Variants in KCNH2 observed in about 807,000 individuals in gnomAD.
KCNH2 encodes the protein potassium voltage-gated channel subfamily H member 2, also known as voltage-gated inwardly rectifying potassium channel KCNH2.
Under a neutral mutation model 95.9 loss-of-function variants are expected in KCNH2, and 35 were observed. The observed-to-expected ratio is 0.37, with a 90% CI of 0.28 to 0.48. The LOEUF is 0.48. Among genes scored for constraint, KCNH2 ranks in the 20% least tolerant of loss-of-function variants. KCNH2 has a pLI of 0.99. For synonymous variants in KCNH2, 786 were observed against 754.7 expected (o/e 1.04, Z -0.68); for missense variants, 1,274 against 1,702.9 (o/e 0.75, Z 4.43).
At chr7:150,965,417 A>G (rs1801676522) in intron 2 of KCNH2, among the ~76,000 whole-genome samples, 1 of 152,040 alleles carries the variant, frequency 6.6e-6, no homozygotes. Flanking sequence ...CGGGTGGTGC[A>G]CGAACTGGAA....
intron 2 of KCNH2, among the ~76,000 whole-genome samples, chr7:150,973,110 C>A (rs1411310791): frequency 6.6e-6 from 1 of 152,240 alleles, no homozygotes; most frequent in Non-Finnish European, 1.5e-5. Flanking sequence ...AGTCAACCAA[C>A]TTGTCCAGTA....
At chr7:150,958,539 C>T (rs1454818299) in intron 3 of KCNH2, 37 bp from the exon 4 acceptor site, 6 of 1,458,732 alleles carry the variant, frequency 4.1e-6, no homozygotes, top group Non-Finnish European at 3.6e-6. Context: ...GTGGGGATCG[C>T]GAGCAGCCCC....
Position 150,945,474 on chromosome 7 carries a change from GC to G in KCNH2, c.3370del (p.Ala1124ProfsTer131). 2 of 1,558,288 alleles carry G rather than the reference GC, an allele frequency of 1.3e-6. No homozygotes were observed. Among genetic ancestry groups the G allele is most frequent in the Admixed American group, 1.9e-5 (1 of 52,004 alleles). ...GGGGCCTTCTTGGGGAAGCTCTGGG[GC>G]CCCCGGGGGCAGCTCCTCACACGCC... ...FMACEELPPG[A>X]PELPQEGPTR... On this transcript the variant is annotated frameshift_variant, in exon 15 of 15. Coordinates refer to ENST00000262186, the MANE Select transcript of KCNH2 (RefSeq NM_000238.4). LOFTEE classifies it high-confidence loss of function. This position sits in a 1 kb window ranked among gnomAD's most constrained non-coding sequence, Gnocchi z 5.6.
chr7:150,951,511 C>T lies in KCNH2; in HGVS notation c.1882G>A (p.Gly628Ser), dbSNP rs121912507. Residue 628 changes from glycine (G) to serine (S), a missense_variant, in exon 7 of 15, where the codon GGC becomes AGC. Physicochemically the swap from Gly to Ser is moderately conservative, Grantham distance 56. Coordinates refer to ENST00000262186, the MANE Select transcript of KCNH2 (RefSeq NM_000238.4). ...TFSSLTSVGF[G>S]NVSPNTNSEK... The stretch of plus-strand genomic sequence containing the variant: ...GAGTTGGTGTTGGGAGAGACGTTGC[C>T]GAAGCCCACACTGGTGAGGCTGCTG... 1 of 1,614,230 alleles carries T rather than the reference C, an allele frequency of 6.2e-7. No individual in the cohort carries two copies. Among genetic ancestry groups the T allele is most frequent in the Non-Finnish European group, 8.5e-7 (1 of 1,180,044 alleles).
chr7:150,964,398 A>G (rs560494922), intron 2 of KCNH2, among the ~76,000 whole-genome samples: 4 of 152,254 alleles, frequency 2.6e-5, no homozygotes, highest in Admixed American at 2.6e-4. Flanking sequence ...TGCATGGGCA[A>G]GAGGGAAGGA....
intron 2 of KCNH2, among the ~76,000 whole-genome samples, chr7:150,970,300 T>C (rs969640142): frequency 6.9e-6 from 1 of 145,958 alleles, no homozygotes; most frequent in Non-Finnish European, 1.5e-5. Context: ...TGCTGCCCCA[T>C]GGCCCCCCTC....
At position 150,952,528 on chromosome 7, in the gene KCNH2, T is replaced by C; in HGVS notation, c.1454A>G (p.His485Arg). The C allele has an allele frequency of 6.2e-7, 1 of 1,614,040 alleles. No individual in the cohort carries two copies. Among genetic ancestry groups the C allele is most frequent in the Non-Finnish European group, 8.5e-7 (1 of 1,180,002 alleles). ...GTAGTGGACGGCGATGCGGCCGGGGTGGCTGACCACCTCCTCGTTGGCATT... is the reference window on the plus strand; with the variant it reads ...GTAGTGGACGGCGATGCGGCCGGGGCGGCTGACCACCTCCTCGTTGGCATT... ...YVNANEEVVS[H>R]PGRIAVHYFK... Residue 485 changes from histidine (H) to arginine (R), a missense_variant, in exon 6 of 15, where the codon CAC becomes CGC. Transcript: ENST00000262186. The surrounding 1 kb of genome is among the most constrained non-coding windows in gnomAD (Gnocchi z 7.3).
chr7:150,959,384 C>A (rs1801488341), intron 3 of KCNH2, among the ~76,000 whole-genome samples, 188 bp downstream of exon 3: 1 of 152,162 alleles, frequency 6.6e-6, no homozygotes, highest in South Asian at 2.1e-4. Flanking sequence ...CCCTATGTGT[C>A]CATCCTGGGC....
At chr7:150,970,537 C>G (rs1015567422) in intron 2 of KCNH2, among the ~76,000 whole-genome samples, 1 of 152,244 alleles carries the variant, frequency 6.6e-6, no homozygotes, top group African/African-American at 2.4e-5. Context: ...GCAGCCCCGG[C>G]AGACCAGGAC....
In KCNH2 at chr7:150,948,460, G is replaced by T. The variant is rs1181660805; in HGVS notation, c.2676C>A (p.Arg892=). The T allele has an allele frequency of 6.2e-7, 1 of 1,604,796 alleles. No individual in the cohort carries two copies. The highest frequency in any genetic ancestry group is 8.5e-7 in the Non-Finnish European group (1 of 1,178,346). The change falls in exon 11 of 15, where the codon CGC becomes CGA. Residue 892 remains arginine (R), a synonymous_variant. Coordinates refer to ENST00000262186, the MANE Select transcript of KCNH2 (RefSeq NM_000238.4). ...SRQRKRKLSF[R]RRTDKDTEQP... ...CCGCCTCACCCTTGTCCGTGCGCCT[G>T]CGGAAGGACAACTTGCGCTTGCGTT...
intron 2 of KCNH2, among the ~76,000 whole-genome samples, chr7:150,971,399 G>T (rs1022879724): frequency 6.6e-6 from 1 of 152,130 alleles, no homozygotes; most frequent in Non-Finnish European, 1.5e-5. Context: ...GCAGTGGGGG[G>T]CCCTCTGACC....
At position 150,958,220 on chromosome 7, in the gene KCNH2, CG is replaced by C; in HGVS notation, c.754del (p.Arg252GlyfsTer108). The C allele has an allele frequency of 1.5e-6, 2 of 1,371,496 alleles. No homozygotes were observed. The highest frequency in any genetic ancestry group is 3.5e-5 in the South Asian group (2 of 57,758). The allele number at this position is 1,371,496 out of a possible 1,614,324, so 85.0% of individuals were successfully genotyped here. ...GGCGTCGGGGTTGAGGCTGTGCGCC[CG>C]GGGCGATGGGAGCTGGCCGGGCGCG... Reference protein sequence around the residue: ...RSAPGQLPSPRAHSLNPDASG... With the variant: ...RSAPGQLPSPXAHSLNPDASG... On this transcript the variant is annotated frameshift_variant, in exon 4 of 15. Coordinates refer to ENST00000262186, the MANE Select transcript of KCNH2 (RefSeq NM_000238.4). LOFTEE classifies it high-confidence loss of function.
At chr7:150,955,358 G>A (rs749031971) in intron 5 of KCNH2, 36 of 1,530,422 alleles carry the variant, frequency 2.4e-5, no homozygotes, top group African/African-American at 1.5e-4. Context: ...TCAGTGTGCC[G>A]GCCCCAGAAA....
intron 6 of KCNH2, 30 bp from the exon 7 acceptor site, chr7:150,951,865 T>C: frequency 6.5e-7 from 1 of 1,542,682 alleles, no homozygotes. Flanking sequence ...CACATTCCGT[T>C]GATGGGGCAA....
intron 1 of KCNH2, among the ~76,000 whole-genome samples, chr7:150,975,261 A>C (rs1801953315): frequency 6.6e-6 from 1 of 152,126 alleles, no homozygotes; most frequent in African/African-American, 2.4e-5. Flanking sequence ...GGTGTCAGCA[A>C]CGCGTGTCAG....
At position 150,946,029 on chromosome 7, in the gene KCNH2, T is replaced by C. The variant is rs1448133142; in HGVS notation, c.3331-515A>G. Reference sequence around the variant, plus strand: ...ACTGAGCGTCTGCTGGTGAGAGCTCTGCGGGGGCGGCTGCGAAGGGAGACT... The same window carrying C: ...ACTGAGCGTCTGCTGGTGAGAGCTCCGCGGGGGCGGCTGCGAAGGGAGACT... On this transcript the variant is annotated intron_variant, in intron 14 of 14. Transcript: ENST00000262186. This position sits in a 1 kb window ranked among gnomAD's most constrained non-coding sequence, Gnocchi z 6.5. 6.6e-6 allele frequency among the ~76,000 whole-genome samples: 1 copy of C among 151,990 alleles called. No individual in the cohort carries two copies. Among genetic ancestry groups the C allele is most frequent in the East Asian group, 1.9e-4 (1 of 5,176 alleles).
rs1801206875 is a variant in KCNH2, at chr7:150,952,361, C to T, written c.1557+64G>A. The T allele has an allele frequency of 6.6e-7, 1 of 1,514,710 alleles. No homozygotes were observed. The allele number at this position is 1,514,710 out of a possible 1,614,324, so 93.8% of individuals were successfully genotyped here. A position where few individuals can be genotyped will look rare whatever the true frequency, so the allele number is the denominator to read the frequency against. On this transcript the variant is annotated intron_variant, in intron 6 of 14. Coordinates refer to ENST00000262186, the MANE Select transcript of KCNH2 (RefSeq NM_000238.4). The surrounding 1 kb of genome is among the most constrained non-coding windows in gnomAD (Gnocchi z 7.3). The stretch of plus-strand genomic sequence containing the variant: ...CCTCCTCGCCACCCCCTCCACCCCA[C>T]TACCTCCCACCACATTCCTGGCCTC...
At chr7:150,971,842 C>T (rs935054575) in intron 2 of KCNH2, among the ~76,000 whole-genome samples, 1 of 152,020 alleles carries the variant, frequency 6.6e-6, no homozygotes, top group Admixed American at 6.6e-5. Flanking sequence ...AGAGAGGATG[C>T]AGGGGGACAG....
At chr7:150,956,961 T>C (rs1034418567) in intron 5 of KCNH2, among the ~76,000 whole-genome samples, 1 of 152,062 alleles carries the variant, frequency 6.6e-6, no homozygotes, top group Non-Finnish European at 1.5e-5. Flanking sequence ...CCTTCCCCCC[T>C]TGCTACTGGC....
Sources: allele counts gnomAD v4.1 joint callset (sites outside exome capture counted in the v4.1 genomes callset), GRCh38; gene constraint gnomAD v4.1.1; non-coding constraint Gnocchi (gnomAD v3.1); transcripts MANE v1.5; gene names NCBI Gene and HGNC (gene_info 2026-07-23, HGNC 2026-07-21).